PKIB: variants seen among roughly 807,000 people sequenced by gnomAD.
PKIB encodes the protein PKI-beta.
A neutral mutation model predicts 4.5 loss-of-function variants in PKIB; 2 were observed. That is an observed-to-expected ratio of 0.44 (90% CI 0.18 to 1.39). The LOEUF (loss-of-function observed/expected upper bound fraction) is 1.39. Among genes scored for constraint, PKIB ranks in the 40% most tolerant of loss-of-function variants. The pLI, the probability that PKIB is intolerant of heterozygous loss-of-function variation, is 0.27. For missense variants in PKIB, 94 were observed against 92.6 expected, an observed-to-expected ratio of 1.02 and a Z score of -0.06; for synonymous variants, 38 against 36.0, an observed-to-expected ratio of 1.06 and a Z score of -0.20.
intron 3 of PKIB, among the ~76,000 whole-genome samples, chr6:122,708,107 C>T (rs898688012): frequency 1.3e-5 from 2 of 152,118 alleles, no homozygotes; most frequent in Non-Finnish European, 2.9e-5. Flanking sequence ...AGCTTACCTT[C>T]TAGTGAAGGG....
chr6:122,594,759 C>G (rs1397339037), intron 3 of PKIB, among the ~76,000 whole-genome samples: 1 of 152,128 alleles, frequency 6.6e-6, no homozygotes, highest in South Asian at 2.1e-4. Context: ...TGTAGTCCTG[C>G]CTGGATTGGG....
chr6:122,471,964 A>G, exon 1 of PKIB: 1 of 1,055,238 alleles, frequency 9.5e-7, no homozygotes, highest in Non-Finnish European at 1.3e-6. Flanking sequence ...TCTTTCCTGG[A>G]GAATTTCTCA....
chr6:122,664,729 T>G (rs1777151922), intron 2 of PKIB, among the ~76,000 whole-genome samples: 1 of 152,222 alleles, frequency 6.6e-6, no homozygotes, highest in Non-Finnish European at 1.5e-5. Flanking sequence ...TTTTTTTTGT[T>G]GTTGTTTATT....
At chr6:122,655,979 C>G (rs1191389378) in intron 2 of PKIB, among the ~76,000 whole-genome samples, 1 of 151,898 alleles carries the variant, frequency 6.6e-6, no homozygotes. Flanking sequence ...TCAACGGTAA[C>G]CATATTATAT....
intron 2 of PKIB, among the ~76,000 whole-genome samples, chr6:122,655,487 A>G (rs1468007472): frequency 6.6e-6 from 1 of 152,144 alleles, no homozygotes; most frequent in Non-Finnish European, 1.5e-5. Flanking sequence ...TGAACCAGAA[A>G]GCAGGCCCTC....
chr6:122,609,325 ATCTAACCTT>A (rs1357997796), upstream of PKIB, among the ~76,000 whole-genome samples: 204 of 152,368 alleles, frequency 1.3e-3, no homozygotes, highest in African/African-American at 4.8e-3. Flanking sequence ...TGTTCAAAGT[ATCTAACCTT>A]GCTGAACCTC....
intron 3 of PKIB, among the ~76,000 whole-genome samples, chr6:122,709,698 A>G (rs1326418155): frequency 6.6e-6 from 1 of 152,122 alleles, no homozygotes; most frequent in Non-Finnish European, 1.5e-5. Context: ...GTTAGTAAAA[A>G]TAGTTCTATT....
At chr6:122,480,993 A>ATT (rs1262680140) in intron 2 of PKIB, 5 of 152,224 alleles carry the variant, frequency 3.3e-5, no homozygotes, top group Admixed American at 1.3e-4. Flanking sequence ...ATCTTAAGAC[A>ATT]TCACTTAGTC....
chr6:122,475,912 C>T (rs1028792360), intron 1 of PKIB, among the ~76,000 whole-genome samples: 1 of 152,208 alleles, frequency 6.6e-6, no homozygotes, highest in Non-Finnish European at 1.5e-5. Context: ...TAAAATTAGA[C>T]TCATCTTTGG....
chr6:122,713,053 A>G lies in PKIB; in HGVS notation c.-8-4734A>G, dbSNP rs150358551. Among the ~76,000 whole-genome samples, 293 of 152,156 alleles carry G rather than the reference A, an allele frequency of 1.9e-3. 3 individuals are homozygous for G. Among genetic ancestry groups the G allele is most frequent in the African/African-American group, 6.8e-3 (281 of 41,514 alleles). On this transcript the variant is annotated intron_variant, in intron 3 of 4. Coordinates refer to ENST00000368452, the MANE Select transcript of PKIB (RefSeq NM_181795.3). Reference sequence around the variant, plus strand: ...GCTGATGTTGCATTCTCAATATTTCAGAGACTGTAAAGATGCTGGCATGTG... The same window carrying G: ...GCTGATGTTGCATTCTCAATATTTCGGAGACTGTAAAGATGCTGGCATGTG...
At chr6:122,476,041 A>G (rs1268517008) in intron 1 of PKIB, among the ~76,000 whole-genome samples, 2 of 152,180 alleles carry the variant, frequency 1.3e-5, no homozygotes, top group African/African-American at 4.8e-5. Flanking sequence ...GAAAATAATC[A>G]GGTCATATTT....
chr6:122,687,444 A>G, intron 3 of PKIB, among the ~76,000 whole-genome samples: 1 of 152,058 alleles, frequency 6.6e-6, no homozygotes, highest in East Asian at 1.9e-4. Flanking sequence ...AGCTTTGGCT[A>G]TTATTCTGGT....
intron 3 of PKIB, among the ~76,000 whole-genome samples, chr6:122,707,160 T>A (rs1326115394): frequency 1.3e-5 from 2 of 152,102 alleles, no homozygotes; most frequent in East Asian, 3.8e-4. Flanking sequence ...TTCAATTAGA[T>A]GATTTTTCTT....
intron 3 of PKIB, among the ~76,000 whole-genome samples, chr6:122,592,020 T>C (rs1360962252): frequency 7.1e-6 from 1 of 141,630 alleles, no homozygotes; most frequent in Non-Finnish European, 1.6e-5. Context: ...CTCTTTTCCC[T>C]TTTTTTTTTT....
At chr6:122,615,178 T>G (rs1422046248) in intron 1 of PKIB, among the ~76,000 whole-genome samples, 6 of 151,566 alleles carry the variant, frequency 4.0e-5, no homozygotes, top group African/African-American at 1.4e-4. Context: ...GTAGTAGAAC[T>G]TTTTGCAGTA....
intron 2 of PKIB, among the ~76,000 whole-genome samples, chr6:122,526,382 G>C (rs915220204): frequency 6.6e-6 from 1 of 152,052 alleles, no homozygotes; most frequent in Non-Finnish European, 1.5e-5. Context: ...TCCATCAAAT[G>C]AATCATTCTT....
exon 1 of PKIB, chr6:122,471,962 G>C: frequency 9.4e-7 from 1 of 1,062,140 alleles, no homozygotes; most frequent in South Asian, 1.8e-5. Context: ...CTTCTTTCCT[G>C]GAGAATTTCT....
intron 2 of PKIB, among the ~76,000 whole-genome samples, chr6:122,635,524 TA>T (rs1233447920): frequency 8.8e-6 from 1 of 113,878 alleles, no homozygotes; most frequent in Non-Finnish European, 1.9e-5. Flanking sequence ...ATTTATTTAA[TA>T]AGAAGCACAA....
chr6:122,678,394 C>CTTCTTGGTCTT (rs1777768544), intron 3 of PKIB, among the ~76,000 whole-genome samples: 1 of 152,192 alleles, frequency 6.6e-6, no homozygotes, highest in Non-Finnish European at 1.5e-5. Context: ...TCTCTATTGC[C>CTTCTTGGTCTT]TTCTTGGTCT....
Sources: allele counts gnomAD v4.1 joint callset (sites outside exome capture counted in the v4.1 genomes callset), GRCh38; gene constraint gnomAD v4.1.1; transcripts MANE v1.5; gene names NCBI Gene and HGNC (gene_info 2026-07-23, HGNC 2026-07-21).